Variants in CCT3 observed in about 807,000 individuals in gnomAD.
CCT3 encodes the protein T-complex protein 1 subunit gamma.
A neutral mutation model predicts 65.3 loss-of-function variants in CCT3; 10 were observed. That is an observed-to-expected ratio of 0.15 (90% CI 0.09 to 0.26). CCT3 has a LOEUF of 0.26. Ranked by LOEUF, CCT3 falls within the 10% of genes least tolerant of loss-of-function variation. CCT3 has a pLI of 1.00. For missense variants in CCT3, 626 were observed against 708.7 expected (o/e 0.88, Z 1.33); for synonymous variants, 225 against 242.3 (o/e 0.93, Z 0.66).
chr1:156,322,395 G>A (rs1387113643), intron 6 of CCT3, among the ~76,000 whole-genome samples: 1 of 152,102 alleles, frequency 6.6e-6, no homozygotes, highest in Non-Finnish European at 1.5e-5. Context: ...TACTTGGGAG[G>A]CTGAGACAGA....
At chr1:156,331,701 A>G (rs751027797) in intron 5 of CCT3, among the ~76,000 whole-genome samples, 4 of 150,586 alleles carry the variant, frequency 2.7e-5, no homozygotes, top group Non-Finnish European at 5.9e-5. Context: ...AAATAAATAA[A>G]TAAATAAATA....
At chr1:156,320,327 G>A (rs1664494500) in intron 7 of CCT3, among the ~76,000 whole-genome samples, 1 of 152,114 alleles carries the variant, frequency 6.6e-6, no homozygotes, top group Non-Finnish European at 1.5e-5. Context: ...GAGATCACTC[G>A]AACCCGGGAG....
intron 2 of CCT3, chr1:156,335,406 G>A (rs772754717): frequency 6.1e-5 from 11 of 181,674 alleles, no homozygotes; most frequent in Non-Finnish European, 1.1e-4. Flanking sequence ...TTTCCATGAC[G>A]GTGGCCTCTA....
intron 12 of CCT3, 59 bp downstream of exon 12, chr1:156,310,891 C>T: frequency 6.3e-7 from 1 of 1,577,556 alleles, no homozygotes; most frequent in Non-Finnish European, 8.6e-7. Flanking sequence ...GAATCTTCCC[C>T]TCAGGGCAAA....
intron 12 of CCT3, 70 bp downstream of exon 12, chr1:156,310,880 A>T (rs10908500): frequency 0.28 from 430,426 of 1,550,024 alleles, 61,663 homozygotes; most frequent in Non-Finnish European, 0.29. Context: ...TAGCCAGATA[A>T]GAATCTTCCC....
intron 1 of CCT3, 116 bp downstream of exon 1, chr1:156,338,038 G>A: frequency 8.8e-7 from 1 of 1,141,386 alleles, no homozygotes; most frequent in South Asian, 1.3e-5. Flanking sequence ...AAATGAAGAC[G>A]ATGATTGGAA....
intron 5 of CCT3, among the ~76,000 whole-genome samples, chr1:156,328,006 T>C: frequency 9.2e-6 from 1 of 108,656 alleles, no homozygotes; most frequent in Non-Finnish European, 1.9e-5. Flanking sequence ...GAGGAGCCCC[T>C]CCGTCCGGCA....
Position 156,338,238 on chromosome 1 carries a change from C to T in CCT3, c.-54G>A. On this transcript the variant is annotated 5_prime_UTR_variant, in exon 1 of 14. Transcript: ENST00000295688. ...GAGCTGGGGGAACCGGCAGAACCTTCTGGAGAGAGAGAACCAGACAGAAGC... is the reference window on the plus strand; with the variant it reads ...GAGCTGGGGGAACCGGCAGAACCTTTTGGAGAGAGAGAACCAGACAGAAGC... The T allele has an allele frequency of 6.5e-7, 1 of 1,546,876 alleles. No homozygotes were observed. Among genetic ancestry groups the T allele is most frequent in the Non-Finnish European group, 8.8e-7 (1 of 1,141,506 alleles).
rs376945793 is a variant in CCT3, at chr1:156,320,822, A to G, written c.609+17T>C. 7.7e-6 allele frequency: 12 copies of G among 1,552,272 alleles called. No individual in the cohort carries two copies. The highest frequency in any genetic ancestry group is 1.7e-4 in the Middle Eastern group (1 of 5,940). Reference sequence around the variant, plus strand: ...TAACATATAATTTGACCCAATGTATACACTTTGAAAGTTTACCTTTTCCAC... The same window carrying G: ...TAACATATAATTTGACCCAATGTATGCACTTTGAAAGTTTACCTTTTCCAC... On this transcript the variant is annotated intron_variant, in intron 7 of 13. Coordinates refer to ENST00000295688, the MANE Select transcript of CCT3 (RefSeq NM_005998.5).
At chr1:156,331,898 G>T (rs1570935362) in intron 5 of CCT3, among the ~76,000 whole-genome samples, 1 of 151,930 alleles carries the variant, frequency 6.6e-6, no homozygotes. Context: ...CAGGCATGGT[G>T]GCCCATGCCT....
intron 5 of CCT3, among the ~76,000 whole-genome samples, chr1:156,327,541 C>T (rs1664877405): frequency 6.6e-6 from 1 of 152,260 alleles, no homozygotes; most frequent in Non-Finnish European, 1.5e-5. Flanking sequence ...GATCCGCCAG[C>T]CCCGGCCTCC....
chr1:156,311,031 A>G lies in CCT3; in HGVS notation c.1320T>C (p.Val440=). ...TGVEQWPYRA[V]AQALEVIPRT... is the part of the protein sequence containing the mutation. ...GAGGAATGACCTCTAGGGCCTGGGCAACAGCCCTGTATGGCCATTGTTCCA... is the reference window on the plus strand; with the variant it reads ...GAGGAATGACCTCTAGGGCCTGGGCGACAGCCCTGTATGGCCATTGTTCCA... Residue 440 remains valine, a synonymous_variant, in exon 12 of 14, where the codon GTT becomes GTC. Coordinates refer to ENST00000295688, the MANE Select transcript of CCT3 (RefSeq NM_005998.5). 1 of 1,614,148 alleles carries G rather than the reference A, an allele frequency of 6.2e-7. No individual in the cohort carries two copies. Among genetic ancestry groups the G allele is most frequent in the Non-Finnish European group, 8.5e-7 (1 of 1,180,022 alleles).
At chr1:156,335,661 T>C (rs1665305972) in intron 2 of CCT3, 166 bp downstream of exon 2, 1 of 570,606 alleles carries the variant, frequency 1.8e-6, no homozygotes, top group South Asian at 2.5e-5. Context: ...GGGGAGGGCT[T>C]CCTTTCCCCT....
At chr1:156,312,314 A>T in intron 10 of CCT3, 93 bp from the exon 11 acceptor site, 4 of 1,191,374 alleles carry the variant, frequency 3.4e-6, no homozygotes, top group Non-Finnish European at 3.5e-6. Flanking sequence ...GGATAAGGGC[A>T]AAAGTGGATT....
chr1:156,316,794 G>A (rs1664331360), intron 10 of CCT3, among the ~76,000 whole-genome samples: 1 of 152,206 alleles, frequency 6.6e-6, no homozygotes, highest in Non-Finnish European at 1.5e-5. Flanking sequence ...TGAGGAAACT[G>A]ATGGTTCTGC....
At chr1:156,316,372 G>A (rs1664313312) in intron 10 of CCT3, among the ~76,000 whole-genome samples, 1 of 152,162 alleles carries the variant, frequency 6.6e-6, no homozygotes, top group Admixed American at 6.6e-5. Context: ...GATATCAAGG[G>A]ATGACTGCAT....
rs1400661078 is a variant in CCT3, at chr1:156,318,981, G to C, written c.646C>G (p.Arg216Gly). 7 of 1,613,554 alleles carry C rather than the reference G, an allele frequency of 4.3e-6. No homozygotes were observed. The highest frequency in any genetic ancestry group is 5.9e-6 in the Non-Finnish European group (7 of 1,179,738). Residue 216 changes from arginine to glycine, a missense_variant, in exon 8 of 14, where the codon CGT (arginine) becomes GGT (glycine). Arg to Gly is a moderately radical substitution (Grantham distance 125, BLOSUM62 -2). Transcript: ENST00000295688. ...ACATCCTTGTTAATCATGACTCCACGCAAGACACAGGAGTCTTCAATGATG... is the reference window on the plus strand; with the variant it reads ...ACATCCTTGTTAATCATGACTCCACCCAAGACACAGGAGTCTTCAATGATG... ...GGIIEDSCVL[R>G]GVMINKDVTH... is the part of the protein sequence containing the mutation.
intron 5 of CCT3, among the ~76,000 whole-genome samples, chr1:156,327,217 C>T (rs918572910): frequency 6.6e-6 from 1 of 152,166 alleles, no homozygotes; most frequent in Admixed American, 6.5e-5. Flanking sequence ...GCTTGTACTA[C>T]CTGCTTACTG....
chr1:156,319,580 G>A (rs997872705), intron 7 of CCT3, among the ~76,000 whole-genome samples: 18 of 152,038 alleles, frequency 1.2e-4, no homozygotes, highest in Non-Finnish European at 2.4e-4. Context: ...AAGACTTAGA[G>A]GGGCTTATGA....
Sources: gnomAD v4.1 joint callset for allele counts (sites outside exome capture counted in the v4.1 genomes callset) on GRCh38, gnomAD v4.1.1 for gene constraint, MANE v1.5 for transcripts, NCBI Gene and HGNC (gene_info 2026-07-23, HGNC 2026-07-21) for gene names.